Variants in KCTD16 observed in about 807,000 individuals in gnomAD.
The protein encoded by KCTD16 is potassium channel tetramerization domain containing 16.
Under a neutral mutation model 33.2 loss-of-function variants are expected in KCTD16, and 13 were observed. The ratio of observed to expected loss-of-function variants is 0.39; its 90% CI spans 0.25 to 0.62. The LOEUF (loss-of-function observed/expected upper bound fraction) is 0.62. Ranked by LOEUF, KCTD16 falls within the 20% of genes least tolerant of loss-of-function variation. The pLI is 0.50. For missense variants in KCTD16, 441 were observed against 525.1 expected (o/e 0.84, Z 1.57); for synonymous variants, 197 against 195.3 (o/e 1.01, Z -0.07).
chr5:144,190,128 C>T (rs531977279), intron 2 of KCTD16, among the ~76,000 whole-genome samples: 1 of 152,204 alleles, frequency 6.6e-6, no homozygotes, highest in Non-Finnish European at 1.5e-5. Context: ...CTCTGTGTCT[C>T]CTTAACGCTA....
intron 3 of KCTD16, among the ~76,000 whole-genome samples, chr5:144,295,015 T>C (rs1483927782): frequency 6.6e-6 from 1 of 152,198 alleles, no homozygotes; most frequent in African/African-American, 2.4e-5. Context: ...GCATTTTCTA[T>C]ACAAAAAGCA....
intron 3 of KCTD16, among the ~76,000 whole-genome samples, chr5:144,387,273 G>A (rs567958234): frequency 1.3e-5 from 2 of 150,702 alleles, no homozygotes; most frequent in African/African-American, 2.4e-5. Flanking sequence ...CACTGTGCCC[G>A]ACCCAAAGCA....
At chr5:144,320,814 A>G (rs923681463) in intron 3 of KCTD16, among the ~76,000 whole-genome samples, 1 of 151,426 alleles carries the variant, frequency 6.6e-6, no homozygotes, top group Non-Finnish European at 1.5e-5. Context: ...GGTTCAGACC[A>G]TAAGTAGATA....
chr5:144,356,789 TA>T (rs1424066682), intron 3 of KCTD16, among the ~76,000 whole-genome samples: 13 of 152,072 alleles, frequency 8.5e-5, no homozygotes, highest in Non-Finnish European at 5.9e-5. Flanking sequence ...AACAAGACAA[TA>T]AGCTCCCCTC....
At chr5:144,205,164 AG>A (rs1382706522) in intron 2 of KCTD16, 1 of 195,640 alleles carries the variant, frequency 5.1e-6, no homozygotes, top group East Asian at 1.2e-4. Context: ...AGGACAGGAC[AG>A]GGAGGGAAGT....
At chr5:144,309,769 G>A (rs1314315871) in intron 3 of KCTD16, among the ~76,000 whole-genome samples, 1 of 151,926 alleles carries the variant, frequency 6.6e-6, no homozygotes, top group African/African-American at 2.4e-5. Context: ...ATGAGAGATG[G>A]ACCATTTTGG....
chr5:144,326,274 T>A (rs1322364455), intron 3 of KCTD16, among the ~76,000 whole-genome samples: 4 of 152,122 alleles, frequency 2.6e-5, no homozygotes, highest in Non-Finnish European at 5.9e-5. Context: ...GACAATAAAG[T>A]CTGTGAAGTA....
chr5:144,483,600 A>G lies in KCTD16; in HGVS notation c.*9486A>G, dbSNP rs1754747246. On this transcript the variant is annotated 3_prime_UTR_variant, in exon 4 of 4. Coordinates refer to ENST00000512467, the MANE Select transcript of KCTD16 (RefSeq NM_020768.4). The stretch of plus-strand genomic sequence containing the variant: ...ATTTTACAGACATAACAACCAAATT[A>G]ACGAATTTTGGCCATCTTAAGAATA... The G allele has an allele frequency of 6.6e-6, 1 of 151,980 alleles. No homozygotes were observed. Among genetic ancestry groups the G allele is most frequent in the African/African-American group, 2.4e-5 (1 of 41,420 alleles). 9.4% of individuals were successfully genotyped at this position (151,980 alleles called of 1,614,324 possible).
chr5:144,405,203 G>C (rs1323951296), intron 3 of KCTD16, among the ~76,000 whole-genome samples: 1 of 152,154 alleles, frequency 6.6e-6, no homozygotes, highest in Non-Finnish European at 1.5e-5. Context: ...ATAATTACTT[G>C]TGTAAATTAA....
chr5:144,267,539 T>C (rs1303161358), intron 3 of KCTD16, among the ~76,000 whole-genome samples: 1 of 152,210 alleles, frequency 6.6e-6, no homozygotes, highest in Non-Finnish European at 1.5e-5. Context: ...GAATCAGTGC[T>C]TCCTGGAGTT....
intron 3 of KCTD16, among the ~76,000 whole-genome samples, chr5:144,375,135 G>A (rs563814033): frequency 6.6e-6 from 1 of 152,236 alleles, no homozygotes; most frequent in East Asian, 1.9e-4. Context: ...GAATCTCAAG[G>A]TTTATTGCTT....
chr5:144,453,098 A>G (rs1372246393), intron 3 of KCTD16, among the ~76,000 whole-genome samples: 1 of 152,164 alleles, frequency 6.6e-6, no homozygotes, highest in Non-Finnish European at 1.5e-5. Flanking sequence ...ATCTTGGGGC[A>G]TGGTTAGGGC....
intron 3 of KCTD16, among the ~76,000 whole-genome samples, chr5:144,262,169 G>T (rs937435427): frequency 6.6e-6 from 1 of 152,168 alleles, no homozygotes; most frequent in East Asian, 1.9e-4. Flanking sequence ...CTCTAAGCAG[G>T]GAACATATGA....
At chr5:144,305,711 G>C (rs1751587184) in intron 3 of KCTD16, among the ~76,000 whole-genome samples, 1 of 152,164 alleles carries the variant, frequency 6.6e-6, no homozygotes. Context: ...CTACTCAGGA[G>C]GCTGAAGCAC....
intron 3 of KCTD16, among the ~76,000 whole-genome samples, chr5:144,289,895 C>G (rs1755847405): frequency 6.6e-6 from 1 of 151,956 alleles, no homozygotes; most frequent in African/African-American, 2.4e-5. Flanking sequence ...AGAGAGCTAT[C>G]AAAAAGAAAT....
intron 3 of KCTD16, among the ~76,000 whole-genome samples, chr5:144,409,284 A>G (rs1380815264): frequency 1.3e-5 from 2 of 152,094 alleles, no homozygotes; most frequent in East Asian, 1.9e-4. Context: ...TACATTGGTT[A>G]TGCTCCATTA....
At chr5:144,261,770 C>T (rs974220795) in intron 3 of KCTD16, among the ~76,000 whole-genome samples, 2 of 152,228 alleles carry the variant, frequency 1.3e-5, no homozygotes, top group Admixed American at 1.3e-4. Context: ...TACAGTGAGT[C>T]TTTCACCAGT....
At chr5:144,322,815 C>T (rs1438820825) in intron 3 of KCTD16, among the ~76,000 whole-genome samples, 1 of 151,796 alleles carries the variant, frequency 6.6e-6, no homozygotes, top group Non-Finnish European at 1.5e-5. Context: ...TCTCTCAAGT[C>T]TCCATTGTGA....
chr5:144,464,121 G>A (rs914223433), intron 3 of KCTD16, among the ~76,000 whole-genome samples: 9 of 152,148 alleles, frequency 5.9e-5, no homozygotes, highest in Non-Finnish European at 1.0e-4. Flanking sequence ...CTTTCACTGG[G>A]CTTCTTTTGG....
Sources: gnomAD v4.1 joint callset for allele counts (sites outside exome capture counted in the v4.1 genomes callset) on GRCh38, gnomAD v4.1.1 for gene constraint, MANE v1.5 for transcripts, NCBI Gene and HGNC (gene_info 2026-07-23, HGNC 2026-07-21) for gene names.